CHST9: variants seen among roughly 807,000 people sequenced by gnomAD.
CHST9 encodes carbohydrate sulfotransferase 9, also known as GalNAc-4-sulfotransferase 2.
A neutral mutation model predicts 44.4 loss-of-function variants in CHST9; 41 were observed. The ratio of observed to expected loss-of-function variants is 0.92; its 90% CI spans 0.72 to 1.20. The LOEUF is 1.20. CHST9 is among the 50% of genes most tolerant of loss of function. CHST9 has a pLI of 0.00. For missense variants in CHST9, 504 were observed against 516.5 expected (o/e 0.98, Z 0.23); for synonymous variants, 171 against 178.4 (o/e 0.96, Z 0.33).
At chr18:26,961,712 G>A (rs2056402775) in intron 4 of CHST9, among the ~76,000 whole-genome samples, 1 of 152,238 alleles carries the variant, frequency 6.6e-6, no homozygotes, top group Non-Finnish European at 1.5e-5. Flanking sequence ...GCAGGTGAAA[G>A]CCACTGGGCC....
chr18:26,914,882 GT>G lies in CHST9; in HGVS notation c.*1376del. On this transcript the variant is annotated 3_prime_UTR_variant, in exon 6 of 6. Coordinates refer to ENST00000618847, the MANE Select transcript of CHST9 (RefSeq NM_031422.6). Reference sequence around the variant, plus strand: ...TGTTCAGGAAAAGCATTTAAGCAGGGTTTGAAAGACTTGTGATTTTCTTAAC... The same window carrying G: ...TGTTCAGGAAAAGCATTTAAGCAGGGTTGAAAGACTTGTGATTTTCTTAAC... The G allele has an allele frequency of 2.5e-6, 1 of 397,758 alleles. No individual in the cohort carries two copies. The highest frequency in any genetic ancestry group is 3.6e-5 in the East Asian group (1 of 27,994). 24.6% of individuals were successfully genotyped at this position (397,758 alleles called of 1,614,324 possible). A position where few individuals can be genotyped will look rare whatever the true frequency, so the allele number is the denominator to read the frequency against.
At chr18:27,104,872 G>C (rs952377410) in intron 2 of CHST9, among the ~76,000 whole-genome samples, 1 of 152,036 alleles carries the variant, frequency 6.6e-6, no homozygotes, top group Non-Finnish European at 1.5e-5. Flanking sequence ...TTAGCATTTG[G>C]ATCTGAGGAA....
intron 3 of CHST9, among the ~76,000 whole-genome samples, chr18:27,044,569 T>C (rs2057478415): frequency 6.6e-6 from 1 of 151,918 alleles, no homozygotes; most frequent in African/African-American, 2.4e-5. Context: ...TTTGCTTAAA[T>C]GTATTTGTCA....
chr18:27,147,770 C>T (rs1166676390), intron 1 of CHST9: 1 of 152,212 alleles, frequency 6.6e-6, no homozygotes, highest in Non-Finnish European at 1.5e-5. Context: ...CTCAGTGACA[C>T]CTTCCTCTGT....
At chr18:27,052,924 G>T (rs2057585198) in intron 2 of CHST9, among the ~76,000 whole-genome samples, 1 of 151,750 alleles carries the variant, frequency 6.6e-6, no homozygotes, top group Non-Finnish European at 1.5e-5. Flanking sequence ...CCCTGTTGGG[G>T]GTGAGGGGAA....
At chr18:26,953,169 T>C (rs573165210) in intron 4 of CHST9, among the ~76,000 whole-genome samples, 9 of 152,220 alleles carry the variant, frequency 5.9e-5, no homozygotes, top group Non-Finnish European at 1.2e-4. Context: ...GAGCAAATTC[T>C]AGAGATATGG....
At chr18:26,972,357 CAAAA>C (rs887066938) in intron 4 of CHST9, among the ~76,000 whole-genome samples, 8,262 of 65,124 alleles carry the variant, frequency 0.13, 470 homozygotes, top group African/African-American at 0.3. Context: ...ACTCCAACTC[CAAAA>C]AAAAAAAAAA....
chr18:27,155,572 T>A (rs2058693019), intron 1 of CHST9, among the ~76,000 whole-genome samples: 1 of 152,184 alleles, frequency 6.6e-6, no homozygotes, highest in Non-Finnish European at 1.5e-5. Context: ...CTAGAACAAC[T>A]CATAACAAAT....
chr18:27,150,944 G>A (rs1048251558), intron 1 of CHST9, among the ~76,000 whole-genome samples: 1 of 152,102 alleles, frequency 6.6e-6, no homozygotes, highest in African/African-American at 2.4e-5. Flanking sequence ...TAAACGTTTT[G>A]AAAATGTATT....
At chr18:26,962,804 A>G (rs2056417174) in intron 4 of CHST9, among the ~76,000 whole-genome samples, 1 of 152,146 alleles carries the variant, frequency 6.6e-6, no homozygotes, top group South Asian at 2.1e-4. Context: ...TTCAGGCAGT[A>G]TCTCCGCAGG....
intron 4 of CHST9, among the ~76,000 whole-genome samples, chr18:27,016,236 C>A (rs1288494775): frequency 6.6e-6 from 1 of 152,234 alleles, no homozygotes; most frequent in Non-Finnish European, 1.5e-5. Flanking sequence ...CTTGCTATCA[C>A]CCCTGAGCAT....
At chr18:26,963,075 A>G (rs2056420618) in intron 4 of CHST9, among the ~76,000 whole-genome samples, 1 of 152,218 alleles carries the variant, frequency 6.6e-6, no homozygotes, top group Non-Finnish European at 1.5e-5. Context: ...ATTCGTTCAG[A>G]AAATACTGAG....
At chr18:27,078,719 G>T (rs1260664732) in intron 2 of CHST9, among the ~76,000 whole-genome samples, 1 of 152,108 alleles carries the variant, frequency 6.6e-6, no homozygotes, top group East Asian at 1.9e-4. Flanking sequence ...CCATCCTCTT[G>T]TCATCTCTGT....
At chr18:26,975,649 G>GTATATATATATATATATATA (rs36030325) in intron 4 of CHST9, among the ~76,000 whole-genome samples, 24 of 126,906 alleles carry the variant, frequency 1.9e-4, no homozygotes, top group African/African-American at 6.8e-4. Flanking sequence ...ATGTATGTGT[G>GTATATATATATATATATATA]TATATATATA....
At chr18:26,934,624 T>G (rs163057) in intron 5 of CHST9, 100,540 of 152,062 alleles carry the variant, frequency 0.66, 34,199 homozygotes, top group African/African-American at 0.83. Context: ...AACCCGAAGA[T>G]CCTGGAGAGA....
intron 1 of CHST9, among the ~76,000 whole-genome samples, chr18:27,168,762 T>C (rs1180367825): frequency 1.3e-5 from 2 of 152,180 alleles, no homozygotes; most frequent in East Asian, 3.9e-4. Context: ...ACAAGACCTA[T>C]AATTCACTTC....
chr18:27,143,061 C>T (rs921649530), intron 1 of CHST9, 156 bp from the exon 2 acceptor site: 5 of 270,582 alleles, frequency 1.8e-5, no homozygotes, highest in African/African-American at 1.1e-4. Context: ...CCTAGAATGG[C>T]AATTTTCTAT....
At chr18:27,043,125 TC>T (rs2057463563) in intron 3 of CHST9, among the ~76,000 whole-genome samples, 1 of 152,086 alleles carries the variant, frequency 6.6e-6, no homozygotes, top group Non-Finnish European at 1.5e-5. Context: ...GATTTATCTT[TC>T]CTAGGGTCTC....
chr18:26,987,876 G>A (rs1260816398), intron 4 of CHST9, among the ~76,000 whole-genome samples: 1 of 152,112 alleles, frequency 6.6e-6, no homozygotes. Context: ...CCCTTCACTG[G>A]AATCTGACCA....
Sources: gnomAD v4.1 joint callset for allele counts (sites outside exome capture counted in the v4.1 genomes callset) on GRCh38, gnomAD v4.1.1 for gene constraint, MANE v1.5 for transcripts, NCBI Gene and HGNC (gene_info 2026-07-23, HGNC 2026-07-21) for gene names.